The following STK26 variants were observed in gnomAD, a reference collection of about 807,000 sequenced individuals.
STK26 encodes the protein serine/threonine-protein kinase 26.
A neutral mutation model predicts 34.7 loss-of-function variants in STK26; 14 were observed. The ratio of observed to expected loss-of-function variants is 0.40; its 90% CI spans 0.27 to 0.63. STK26 has a LOEUF of 0.63. STK26 is among the 30% of genes least tolerant of loss of function. The probability of loss-of-function intolerance (pLI) is 0.38; values close to 1 mark genes in which losing one functional copy is unlikely to be tolerated. For missense variants in STK26, 226 were observed against 309.1 expected, an observed-to-expected ratio of 0.73 and a Z score of 2.02; for synonymous variants, 100 against 109.8, an observed-to-expected ratio of 0.91 and a Z score of 0.56.
chrX:132,059,402 C>T (rs756655445), intron 3 of STK26, among the ~76,000 whole-genome samples: 5 of 112,074 alleles, frequency 4.5e-5, no homozygotes, highest in Non-Finnish European at 7.5e-5. Flanking sequence ...TTCCTTGAGA[C>T]ATGCAAAAAA....
chrX:132,030,273 G>A (rs938188250), intron 2 of STK26, among the ~76,000 whole-genome samples: 1 of 110,272 alleles, frequency 9.1e-6, no homozygotes, highest in Admixed American at 9.7e-5. Context: ...GGTAACCATG[G>A]CTGATTTCAG....
At chrX:132,044,554 C>A (rs776553249) in intron 2 of STK26, among the ~76,000 whole-genome samples, 1 of 103,199 alleles carries the variant, frequency 9.7e-6, no homozygotes, top group Non-Finnish European at 2.0e-5. Context: ...CCTACTGAAG[C>A]ATTGGGCTTG....
chrX:132,030,185 T>C (rs1407278280), intron 2 of STK26, among the ~76,000 whole-genome samples: 1 of 112,120 alleles, frequency 8.9e-6, no homozygotes. Context: ...TAACTAATCA[T>C]CTGTCCACAC....
At chrX:132,024,650 T>C (rs1234690884) in intron 2 of STK26, among the ~76,000 whole-genome samples, 1 of 111,593 alleles carries the variant, frequency 9.0e-6, no homozygotes, top group Non-Finnish European at 1.9e-5. Flanking sequence ...ACAAACTTTT[T>C]TGAAGTTCAA....
chrX:132,072,234 G>T, intron 8 of STK26, 34 bp from the exon 9 acceptor site: 1 of 1,088,169 alleles, frequency 9.2e-7, no homozygotes, highest in Non-Finnish European at 1.3e-6. Flanking sequence ...AATCATTTGG[G>T]CACTTATAGA....
intron 2 of STK26, among the ~76,000 whole-genome samples, chrX:132,025,929 C>T (rs745817479): frequency 7.0e-4 from 78 of 111,251 alleles, no homozygotes; most frequent in African/African-American, 2.4e-3. Flanking sequence ...TTTATGAAGG[C>T]GTTAGGAGCA....
Position 132,072,317 on chromosome X carries a change from A to G in STK26, c.982A>G (p.Thr328Ala), listed in dbSNP as rs764344025. Residue 328 changes from threonine to alanine, a missense_variant, in exon 9 of 12, where the codon ACC becomes GCC. Physicochemically the swap from Thr to Ala is moderately conservative, Grantham distance 58. Coordinates refer to ENST00000394334, the MANE Select transcript of STK26 (RefSeq NM_016542.4). ...TACTCATCCTGAATGGAGCTTTACC[A>G]CCGTACGAAAGAAGCCTGATCCAAA... ...NNTHPEWSFTTVRKKPDPKKV... is the reference protein window; with the variant it reads ...NNTHPEWSFTAVRKKPDPKKV... The G allele has an allele frequency of 4.1e-6, 5 of 1,208,753 alleles. No individual in the cohort carries two copies. The highest frequency in any genetic ancestry group is 5.6e-6 in the Non-Finnish European group (5 of 893,390).
In STK26 at chrX:132,023,308, C is replaced by A. The variant is rs764591642; in HGVS notation, c.-210C>A. The A allele has an allele frequency of 2.2e-5, 10 of 449,089 alleles. No individual in the cohort carries two copies. The highest frequency in any genetic ancestry group is 3.7e-5 in the Non-Finnish European group (9 of 243,629). 37.0% of individuals were successfully genotyped at this position (449,089 alleles called of 1,213,427 possible). A position where few individuals can be genotyped will look rare whatever the true frequency, so the allele number is the denominator to read the frequency against. Reference sequence around the variant, plus strand: ...CGAGGCGCAGAGGAGCGGCATCACTCGAGCCCAGGTCCCAGCCACCACCAC... The same window carrying A: ...CGAGGCGCAGAGGAGCGGCATCACTAGAGCCCAGGTCCCAGCCACCACCAC... On this transcript the variant is annotated 5_prime_UTR_variant, in exon 1 of 12. Coordinates refer to ENST00000394334, the MANE Select transcript of STK26 (RefSeq NM_016542.4).
At chrX:132,027,252 A>C (rs1237392854) in intron 2 of STK26, among the ~76,000 whole-genome samples, 2 of 111,935 alleles carry the variant, frequency 1.8e-5, no homozygotes, top group African/African-American at 6.5e-5. Flanking sequence ...TGGTACTCAC[A>C]CAACCATTCT....
chrX:132,057,569 T>C (rs1243695967), intron 3 of STK26, among the ~76,000 whole-genome samples: 1 of 111,166 alleles, frequency 9.0e-6, no homozygotes, highest in Non-Finnish European at 1.9e-5. Context: ...TTTTTATGTA[T>C]ATGTGGAGGG....
intron 2 of STK26, among the ~76,000 whole-genome samples, chrX:132,044,766 T>TAG (rs757913234): frequency 6.4e-5 from 3 of 46,993 alleles, no homozygotes; most frequent in South Asian, 1.0e-3. Context: ...TATATATATA[T>TAG]AGAGAGATCT....
chrX:132,054,135 C>A (rs994610413), intron 2 of STK26, among the ~76,000 whole-genome samples: 3 of 111,813 alleles, frequency 2.7e-5, no homozygotes, highest in African/African-American at 9.8e-5. Context: ...AGCCTGGAGT[C>A]TTTTGTGGTC....
intron 2 of STK26, among the ~76,000 whole-genome samples, chrX:132,031,413 G>A (rs1412496259): frequency 1.8e-5 from 2 of 112,013 alleles, no homozygotes. Context: ...CTACAGTACT[G>A]CAGAATAGAA....
At chrX:132,070,360 G>T (rs771579331) in intron 7 of STK26, among the ~76,000 whole-genome samples, 1 of 111,869 alleles carries the variant, frequency 8.9e-6, no homozygotes, top group Non-Finnish European at 1.9e-5. Flanking sequence ...TTGGTGTTTA[G>T]AAACTTCAAT....
At chrX:132,049,187 G>A (rs941538129) in intron 2 of STK26, among the ~76,000 whole-genome samples, 7 of 111,588 alleles carry the variant, frequency 6.3e-5, no homozygotes, top group African/African-American at 2.3e-4. Flanking sequence ...GTTTCACCCT[G>A]TTGCCCAGGC....
chrX:132,055,091 T>G (rs1469247056), intron 3 of STK26, among the ~76,000 whole-genome samples: 2 of 111,888 alleles, frequency 1.8e-5, no homozygotes, highest in African/African-American at 6.5e-5. Flanking sequence ...AACTTTTGGT[T>G]TGATGGAGGA....
intron 2 of STK26, among the ~76,000 whole-genome samples, chrX:132,043,684 C>T (rs767284431): frequency 2.7e-5 from 3 of 111,563 alleles, no homozygotes; most frequent in Middle Eastern, 4.7e-3. Context: ...CAAACTGTGG[C>T]TCTTCAAGGC....
In STK26 at chrX:132,060,290, G is replaced by A. The variant is rs1323744954; in HGVS notation, c.274-3143G>A. 2.7e-5 allele frequency among the ~76,000 whole-genome samples: 3 copies of A among 111,514 alleles called. No homozygotes were observed. In the East Asian group the frequency reaches 8.5e-4, roughly 31 times the overall value. On this transcript the variant is annotated intron_variant, in intron 3 of 11. Transcript: ENST00000394334. The stretch of plus-strand genomic sequence containing the variant: ...AGTGCAATAACCCTCAAACTAGGGA[G>A]GTAGCATTTGAACTAAGTCTTGAGA...
rs143302508 is a variant in STK26 at position 132,073,473 on chromosome X, C to T, written c.1226+380C>T. 5.4e-5 allele frequency among the ~76,000 whole-genome samples: 6 copies of T among 111,403 alleles called. No homozygotes were observed. In the East Asian group the frequency reaches 1.7e-3, roughly 32 times the overall value. On this transcript the variant is annotated intron_variant, in intron 11 of 11. Transcript: ENST00000394334. ...AAAACACCACTAGTTGCATAGTTTC[C>T]AGTGCTAAAGTTCCTACGTTTGATC...
Sources: allele counts gnomAD v4.1 joint callset (sites outside exome capture counted in the v4.1 genomes callset), GRCh38; gene constraint gnomAD v4.1.1; transcripts MANE v1.5; gene names NCBI Gene and HGNC (gene_info 2026-07-23, HGNC 2026-07-21).